PIK3R3: variants seen among roughly 807,000 people sequenced by gnomAD.
The protein encoded by PIK3R3 is phosphoinositide-3-kinase regulatory subunit 3, also known as phosphatidylinositol 3-kinase regulatory subunit gamma.
Under a neutral mutation model 62.9 loss-of-function variants are expected in PIK3R3, and 64 were observed. That is an observed-to-expected ratio of 1.02 (90% CI 0.83 to 1.25). The LOEUF is 1.25. PIK3R3 is among the 50% of genes most tolerant of loss of function. PIK3R3 has a pLI of 0.00. For synonymous variants in PIK3R3, 165 were observed against 189.0 expected (o/e 0.87, Z 1.04); for missense variants, 614 against 561.6 (o/e 1.09, Z -0.94).
In PIK3R3 at chr1:46,044,867, G is replaced by A. The variant is rs1647069241; in HGVS notation, c.1188-996C>T. Among the ~76,000 whole-genome samples the A allele has an allele frequency of 6.6e-6, 1 of 152,210 alleles. No homozygotes were observed. Among genetic ancestry groups the A allele is most frequent in the Non-Finnish European group, 1.5e-5 (1 of 68,042 alleles). On this transcript the variant is annotated intron_variant, in intron 9 of 9. Coordinates refer to ENST00000262741, the MANE Select transcript of PIK3R3 (RefSeq NM_003629.4). This position sits in a 1 kb window ranked among gnomAD's most constrained non-coding sequence, Gnocchi z 4.2. Reference sequence around the variant, plus strand: ...TAGAAAAATGTGGGTTTTGAAACCAGGTAAACTTGGATTCAAACTCTGACT... The same window carrying A: ...TAGAAAAATGTGGGTTTTGAAACCAAGTAAACTTGGATTCAAACTCTGACT...
chr1:46,074,299 A>C (rs1318740868), intron 3 of PIK3R3, among the ~76,000 whole-genome samples: 7 of 142,406 alleles, frequency 4.9e-5, no homozygotes, highest in African/African-American at 1.9e-4. Context: ...AAAAAAAAAA[A>C]AAAAAAAAAA....
intron 1 of PIK3R3, among the ~76,000 whole-genome samples, chr1:46,108,278 T>A (rs1346370606): frequency 6.6e-6 from 1 of 152,222 alleles, no homozygotes; most frequent in African/African-American, 2.4e-5. Context: ...TCACTTAATG[T>A]TGAACATCAC....
At chr1:46,099,196 C>T (rs558456193) in intron 1 of PIK3R3, among the ~76,000 whole-genome samples, 12 of 152,290 alleles carry the variant, frequency 7.9e-5, no homozygotes, top group Non-Finnish European at 1.8e-4. Context: ...TTTCAAAATT[C>T]TACCTAATTT....
upstream of PIK3R3, among the ~76,000 whole-genome samples, chr1:46,137,339 G>A (rs535848756): frequency 5.3e-5 from 8 of 152,306 alleles, no homozygotes; most frequent in African/African-American, 1.9e-4. Flanking sequence ...CACAATAAGC[G>A]CTATAATCAA....
chr1:46,133,617 C>G (rs1450514457), upstream of PIK3R3, among the ~76,000 whole-genome samples: 1 of 152,186 alleles, frequency 6.6e-6, no homozygotes, highest in Non-Finnish European at 1.5e-5. Flanking sequence ...GCCCGTGGCC[C>G]CTGCAACCTT....
chr1:46,149,343 A>T, the PIK3R3 span, among the ~76,000 whole-genome samples: 1 of 145,544 alleles, frequency 6.9e-6, no homozygotes, highest in African/African-American at 2.6e-5. Flanking sequence ...AATTGCTTGA[A>T]CCCAGGAGGT....
At chr1:46,150,334 C>T in the PIK3R3 span, among the ~76,000 whole-genome samples, 1 of 152,162 alleles carries the variant, frequency 6.6e-6, no homozygotes, top group African/African-American at 2.4e-5. Flanking sequence ...CTGTTGAGAG[C>T]CAGGAAATCC....
chr1:46,122,867 A>T (rs1305357115), intron 1 of PIK3R3, among the ~76,000 whole-genome samples: 2 of 152,138 alleles, frequency 1.3e-5, no homozygotes, highest in Non-Finnish European at 2.9e-5. Context: ...TCACAAAATG[A>T]AGCTAGTTGG....
chr1:46,062,218 G>A (rs1462480784), intron 5 of PIK3R3, 147 bp from the exon 6 acceptor site: 6 of 642,704 alleles, frequency 9.3e-6, no homozygotes, highest in Non-Finnish European at 1.6e-5. Context: ...TTGTTTAGGA[G>A]GACTAAAACA....
chr1:46,123,689 G>C (rs1218797156), intron 1 of PIK3R3, among the ~76,000 whole-genome samples: 1 of 152,188 alleles, frequency 6.6e-6, no homozygotes, highest in Non-Finnish European at 1.5e-5. Context: ...AGATGGACCT[G>C]CTCTGCTACT....
At chr1:46,118,517 A>G (rs1227569879) in intron 1 of PIK3R3, among the ~76,000 whole-genome samples, 1 of 149,856 alleles carries the variant, frequency 6.7e-6, no homozygotes, top group African/African-American at 2.5e-5. Context: ...AATGGCATAC[A>G]TGGTGGGAAA....
chr1:46,143,175 C>T, the PIK3R3 span, among the ~76,000 whole-genome samples: 6 of 152,156 alleles, frequency 3.9e-5, no homozygotes, highest in African/African-American at 7.2e-5. Flanking sequence ...TTCGCTTCTG[C>T]GTGTGATTCA....
chr1:46,045,969 G>A lies in PIK3R3; in HGVS notation c.1136C>T (p.Ala379Val). The stretch of plus-strand genomic sequence containing the variant: ...CTTGCTACTCTCACGAATTAAGAAT[G>A]CACCATCAGGTTTCCCATAAAGCAA... ...EDLLYGKPDG[A>V]FLIRESSKKG... Residue 379 changes from alanine (A) to valine (V), a missense_variant, in exon 9 of 10, where the codon GCA becomes GTA. Physicochemically the swap from Ala to Val is moderately conservative, Grantham distance 64. Transcript: ENST00000262741. The A allele has an allele frequency of 6.2e-7, 1 of 1,613,510 alleles. No homozygotes were observed. Among genetic ancestry groups the A allele is most frequent in the Non-Finnish European group, 8.5e-7 (1 of 1,179,704 alleles).
chr1:46,101,032 G>C (rs560142815), intron 1 of PIK3R3, among the ~76,000 whole-genome samples: 63 of 151,506 alleles, frequency 4.2e-4, no homozygotes, highest in Non-Finnish European at 7.9e-4. Flanking sequence ...AAATTAGCTG[G>C]GTGTGGTGGC....
chr1:46,104,671 G>A (rs1225834184), intron 1 of PIK3R3, among the ~76,000 whole-genome samples: 2 of 152,120 alleles, frequency 1.3e-5, no homozygotes, highest in African/African-American at 2.4e-5. Context: ...GCGCACACCT[G>A]TAATCCCAGC....
At chr1:46,102,380 A>G (rs929572878) in intron 1 of PIK3R3, among the ~76,000 whole-genome samples, 1 of 152,196 alleles carries the variant, frequency 6.6e-6, no homozygotes, top group African/African-American at 2.4e-5. Flanking sequence ...CTACTTGTAT[A>G]AAGGAATCCA....
At chr1:46,101,291 G>C (rs1652651058) in intron 1 of PIK3R3, among the ~76,000 whole-genome samples, 1 of 151,894 alleles carries the variant, frequency 6.6e-6, no homozygotes, top group Admixed American at 6.6e-5. Context: ...GTCAAGAGAT[G>C]GAGACCATCC....
intron 1 of PIK3R3, among the ~76,000 whole-genome samples, chr1:46,099,681 C>G (rs1238668584): frequency 6.6e-6 from 1 of 152,118 alleles, no homozygotes. Flanking sequence ...TAGTTTTCTG[C>G]TTTTACAAAC....
chr1:46,146,597 C>A, the PIK3R3 span, among the ~76,000 whole-genome samples: 1 of 151,930 alleles, frequency 6.6e-6, no homozygotes, highest in Admixed American at 6.6e-5. Context: ...TCGATCAGGT[C>A]TTGAAGCTAT....
Sources: gnomAD v4.1 joint callset for allele counts (sites outside exome capture counted in the v4.1 genomes callset) on GRCh38, gnomAD v4.1.1 for gene constraint, Gnocchi (gnomAD v3.1) non-coding constraint, MANE v1.5 for transcripts, NCBI Gene and HGNC (gene_info 2026-07-23, HGNC 2026-07-21) for gene names.